The following BMAL2 variants were observed in gnomAD, a reference collection of about 807,000 sequenced individuals.
The protein encoded by BMAL2 is basic helix-loop-helix ARNT like 2, also known as basic helix-loop-helix ARNT-like protein 2.
chr12:27,400,521 A>G, the BMAL2 span: 2 of 1,542,946 alleles, frequency 1.3e-6, no homozygotes, highest in Non-Finnish European at 1.7e-6. Context: ...CTTTTTAAAA[A>G]TCTTTGAATT....
the BMAL2 span, chr12:27,389,316 T>A: frequency 2.0e-6 from 3 of 1,478,108 alleles, no homozygotes; most frequent in Non-Finnish European, 2.8e-6. Context: ...CATTTCCGCA[T>A]GCTTATTATT....
chr12:27,334,432 G>A, the BMAL2 span, among the ~76,000 whole-genome samples: 1 of 152,050 alleles, frequency 6.6e-6, no homozygotes, highest in Admixed American at 6.5e-5. Context: ...GAAATAGTAA[G>A]TGCTTCATAA....
chr12:27,419,674 A>G, the BMAL2 span, among the ~76,000 whole-genome samples: 1 of 152,190 alleles, frequency 6.6e-6, no homozygotes, highest in African/African-American at 2.4e-5. Flanking sequence ...CACTAAAGAG[A>G]AGCAAAGGAC....
chr12:27,335,180 C>G, the BMAL2 span, among the ~76,000 whole-genome samples: 2 of 152,144 alleles, frequency 1.3e-5, no homozygotes, highest in Admixed American at 1.3e-4. Context: ...ATCTACAAAA[C>G]TAGCCCTAAG....
the BMAL2 span, chr12:27,368,187 A>G: frequency 3.3e-6 from 5 of 1,518,514 alleles, no homozygotes; most frequent in Non-Finnish European, 4.5e-6. Context: ...GTCATTTAAA[A>G]TGTGTGATAT....
chr12:27,397,800 G>C, the BMAL2 span, among the ~76,000 whole-genome samples: 1 of 152,226 alleles, frequency 6.6e-6, no homozygotes, highest in Non-Finnish European at 1.5e-5. Flanking sequence ...AATGTCTTAA[G>C]TGTTTCTTAA....
chr12:27,400,740 G>A, the BMAL2 span: 1 of 1,611,962 alleles, frequency 6.2e-7, no homozygotes, highest in Non-Finnish European at 8.5e-7. Context: ...AACCCGGTTT[G>A]CAGTGAATGG....
the BMAL2 span, among the ~76,000 whole-genome samples, chr12:27,412,132 G>A: frequency 1.2e-4 from 19 of 152,282 alleles, no homozygotes; most frequent in African/African-American, 4.6e-4. Flanking sequence ...GAGTGTTCTT[G>A]GCACCCTTAG....
At chr12:27,404,014 T>G in the BMAL2 span, among the ~76,000 whole-genome samples, 1 of 151,010 alleles carries the variant, frequency 6.6e-6, no homozygotes, top group Non-Finnish European at 1.5e-5. Flanking sequence ...AAAAAAAAAT[T>G]AGCTGGATGT....
At chr12:27,375,994 A>ATGATGTTAATAACTT in the BMAL2 span, among the ~76,000 whole-genome samples, 2 of 152,236 alleles carry the variant, frequency 1.3e-5, no homozygotes, top group Admixed American at 1.3e-4. Context: ...TAAGCCATCA[A>ATGATGTTAATAACTT]TGATGTTAAT....
At chr12:27,407,924 C>T in the BMAL2 span, among the ~76,000 whole-genome samples, 3 of 151,904 alleles carry the variant, frequency 2.0e-5, no homozygotes, top group Non-Finnish European at 2.9e-5. Context: ...CACCACCGAC[C>T]CCACAGAAAT....
chr12:27,340,429 G>A, the BMAL2 span, among the ~76,000 whole-genome samples: 27 of 152,156 alleles, frequency 1.8e-4, no homozygotes, highest in African/African-American at 6.5e-4. Flanking sequence ...GTGTGGCCTT[G>A]TTTCTGAGCT....
chr12:27,409,376 G>A, the BMAL2 span, among the ~76,000 whole-genome samples: 2 of 152,146 alleles, frequency 1.3e-5, no homozygotes, highest in African/African-American at 4.8e-5. Flanking sequence ...AAAACAGCAT[G>A]GTACTGGTAC....
At chr12:27,370,655 A>T in the BMAL2 span, among the ~76,000 whole-genome samples, 1 of 151,550 alleles carries the variant, frequency 6.6e-6, no homozygotes, top group Admixed American at 6.6e-5. Context: ...GCCAGGCTGG[A>T]GTGCAAATGG....
chr12:27,352,411 T>A, the BMAL2 span, among the ~76,000 whole-genome samples: 2 of 152,174 alleles, frequency 1.3e-5, no homozygotes, highest in Non-Finnish European at 1.5e-5. Context: ...CGAAGGAACA[T>A]ACCTCAAAAT....
At chr12:27,333,744 C>G in the BMAL2 span, among the ~76,000 whole-genome samples, 1 of 152,234 alleles carries the variant, frequency 6.6e-6, no homozygotes, top group African/African-American at 2.4e-5. Context: ...TCTTTCACCG[C>G]TGAAGCTTCA....
chr12:27,416,708 A>G, the BMAL2 span, among the ~76,000 whole-genome samples: 1 of 152,176 alleles, frequency 6.6e-6, no homozygotes, highest in Non-Finnish European at 1.5e-5. Flanking sequence ...CTATAATCCC[A>G]GCTACTCAGG....
the BMAL2 span, among the ~76,000 whole-genome samples, chr12:27,349,806 C>A: frequency 1.3e-5 from 2 of 152,222 alleles, no homozygotes; most frequent in South Asian, 2.1e-4. Context: ...GAGGAAATGA[C>A]CACAGAGAGG....
chr12:27,400,192 GATTA>G, the BMAL2 span, among the ~76,000 whole-genome samples: 1 of 152,028 alleles, frequency 6.6e-6, no homozygotes, highest in Non-Finnish European at 1.5e-5. Context: ...GGGGCATGAG[GATTA>G]ATTTTTTCTA....
Sources: allele counts gnomAD v4.1 joint callset (sites outside exome capture counted in the v4.1 genomes callset), GRCh38; gene constraint gnomAD v4.1.1; transcripts MANE v1.5; gene names NCBI Gene and HGNC (gene_info 2026-07-23, HGNC 2026-07-21).